PEG3: variants seen among roughly 807,000 people sequenced by gnomAD.
The protein encoded by PEG3 is paternally-expressed gene 3 protein.
PEG3 carries 23 observed loss-of-function variants against 35.5 expected under a neutral mutation model. That is an observed-to-expected ratio of 0.65 (90% CI 0.47 to 0.92). The LOEUF (loss-of-function observed/expected upper bound fraction) is 0.92, where lower values mean the gene tolerates loss of function less well. Ranked by LOEUF, PEG3 falls within the 40% of genes least tolerant of loss-of-function variation. PEG3 has a pLI of 0.00. For missense variants in PEG3, 1,960 were observed against 1,985.3 expected, an observed-to-expected ratio of 0.99 and a Z score of 0.24; for synonymous variants, 707 against 697.0, an observed-to-expected ratio of 1.01 and a Z score of -0.23.
Position 56,811,737 on chromosome 19 carries a change from T to C in PEG3, c.*1938A>G. Reference sequence around the variant, plus strand: ...AGCTTTCCCGATGTCCGTTCCAACCTCAGTCCTTCCTATGCAGCCAGCCCT... The same window carrying C: ...AGCTTTCCCGATGTCCGTTCCAACCCCAGTCCTTCCTATGCAGCCAGCCCT... On this transcript the variant is annotated 3_prime_UTR_variant, in exon 10 of 10. Coordinates refer to ENST00000326441, the MANE Select transcript of PEG3 (RefSeq NM_006210.3). 1 of 985,586 alleles carries C rather than the reference T, an allele frequency of 1.0e-6. No homozygotes were observed. Among genetic ancestry groups the C allele is most frequent in the East Asian group, 1.1e-4 (1 of 8,808 alleles). The allele number at this position is 985,586 out of a possible 1,614,324, so 61.1% of individuals were successfully genotyped here.
chr19:56,813,220 A>G lies in PEG3; in HGVS notation c.*455T>C, dbSNP rs187634674. On this transcript the variant is annotated 3_prime_UTR_variant, in exon 10 of 10. Coordinates refer to ENST00000326441, the MANE Select transcript of PEG3 (RefSeq NM_006210.3). ...CTCCTCCAAAAAAAAAAAAAATTCA[A>G]AGAATACCAGGTAAGGTACCTCTGC... 5 of 981,660 alleles carry G rather than the reference A, an allele frequency of 5.1e-6. No homozygotes were observed. The Admixed American group carries it at 2.4e-4, about 48-fold the overall frequency. The allele number at this position is 981,660 out of a possible 1,614,324, so 60.8% of individuals were successfully genotyped here.
rs1416680647 is a variant in PEG3 at position 56,824,514 on chromosome 19, T to C, written c.142A>G (p.Arg48Gly). ...GPTDSEFFHQRFRNLIYVEFV... is the reference protein window; with the variant it reads ...GPTDSEFFHQGFRNLIYVEFV... ...TCCACATAGATTAGGTTCCGAAACC[T>C]CTGATGAAAAAACTCAGAGTCAGTT... The change falls in exon 4 of 10, where the codon AGG becomes GGG. Residue 48 changes from arginine to glycine, a missense_variant. Arg to Gly is a moderately radical substitution (Grantham distance 125, BLOSUM62 -2). Around this residue, in one of 5 missense-constraint regions of PEG3, gnomAD observed 613 missense variants for 577.1 expected, o/e 1.06. Transcript: ENST00000326441. The C allele has an allele frequency of 6.2e-7, 1 of 1,614,108 alleles. No homozygotes were observed. Among genetic ancestry groups the C allele is most frequent in the Non-Finnish European group, 8.5e-7 (1 of 1,180,036 alleles).
rs865823612 is a variant in PEG3 at position 56,815,206 on chromosome 19, T to C, written c.3236A>G (p.His1079Arg). The part of the protein sequence containing the change: ...DGEETHSEET[H>R]GQETIEDPVI... ...AGGGTCTTCAATTGTCTCCTGACCA[T>C]GGGTCTCCTCGCTGTGGGTCTCCTC... is the stretch of plus-strand genomic sequence containing the variant. The change falls in exon 10 of 10, where the codon CAT becomes CGT. Residue 1079 changes from histidine (H) to arginine (R), a missense_variant. Transcript: ENST00000326441. The C allele has an allele frequency of 3.7e-6, 6 of 1,613,962 alleles. No individual in the cohort carries two copies. Among genetic ancestry groups the C allele is most frequent in the Middle Eastern group, 1.6e-4 (1 of 6,062 alleles).
chr19:56,834,082 C>T (rs1052331952), intron 2 of PEG3, among the ~76,000 whole-genome samples: 1 of 152,174 alleles, frequency 6.6e-6, no homozygotes, highest in African/African-American at 2.4e-5. Flanking sequence ...AATAAAGCTA[C>T]TTTAAAGAGA....
chr19:56,824,500 T>A lies in PEG3; in HGVS notation c.156A>T (p.Leu52=). The A allele has an allele frequency of 6.2e-7, 1 of 1,614,068 alleles. No homozygotes were observed. Residue 52 remains leucine, a synonymous_variant, in exon 4 of 10, where the codon CTA becomes CTT. Transcript: ENST00000326441. ...SEFFHQRFRN[L]IYVEFVGPRK... ...GAGGCCCAACAAATTCCACATAGAT[T>A]AGGTTCCGAAACCTCTGATGAAAAA...
Position 56,829,089 on chromosome 19 carries a change from G to A in PEG3, c.-162-2626C>T, listed in dbSNP as rs191950545. Among the ~76,000 whole-genome samples the A allele has an allele frequency of 2.4e-3, 363 of 152,160 alleles. 3 individuals are homozygous for A. Among genetic ancestry groups the A allele is most frequent in the African/African-American group, 7.6e-3 (317 of 41,518 alleles). On this transcript the variant is annotated intron_variant, in intron 2 of 9. Transcript: ENST00000326441. ...GCTGCAGCTGGGCGCAGTGGCTCAC[G>A]CCTGTAATCCCAGCACTTTGGGAGG...
In PEG3 at chr19:56,814,939, C is replaced by A; in HGVS notation, c.3503G>T (p.Cys1168Phe). The A allele has an allele frequency of 6.2e-7, 1 of 1,614,206 alleles. No homozygotes were observed. Among genetic ancestry groups the A allele is most frequent in the Non-Finnish European group, 8.5e-7 (1 of 1,180,038 alleles). Reference sequence around the variant, plus strand: ...TGAGCTATGAATAAAAGATTCCCCACACTTTGGACATTCATACAGCTGCTC... The same window carrying A: ...TGAGCTATGAATAAAAGATTCCCCAAACTTTGGACATTCATACAGCTGCTC... ...TGEQLYECPK[C>F]GESFIHSSFL... The change falls in exon 10 of 10, where the codon TGT (cysteine) becomes TTT (phenylalanine). Residue 1168 changes from cysteine to phenylalanine, a missense_variant. Cys to Phe is a radical substitution (Grantham distance 205). Coordinates refer to ENST00000326441, the MANE Select transcript of PEG3 (RefSeq NM_006210.3). The surrounding 1 kb of genome is among the most constrained non-coding windows in gnomAD (Gnocchi z 5.8).
chr19:56,817,593 C>A lies in PEG3; in HGVS notation c.863-14G>T. 6.4e-7 allele frequency: 1 copy of A among 1,574,624 alleles called. No individual in the cohort carries two copies. Among genetic ancestry groups the A allele is most frequent in the South Asian group, 1.2e-5 (1 of 84,296 alleles). On this transcript the variant is annotated splice_polypyrimidine_tract_variant and intron_variant, in intron 9 of 9. Coordinates refer to ENST00000326441, the MANE Select transcript of PEG3 (RefSeq NM_006210.3). ...TAGTTTTTAGACCTGGAAAGAAACC[C>A]CAAATGTAAATACTCCCTAGTCCCC...
At chr19:56,828,133 G>A (rs900289815) in intron 2 of PEG3, among the ~76,000 whole-genome samples, 4 of 152,152 alleles carry the variant, frequency 2.6e-5, no homozygotes, top group Non-Finnish European at 5.9e-5. Context: ...GGTGCAGGCA[G>A]CCGTAACATC....
At chr19:56,825,442 G>A (rs149280968) in intron 3 of PEG3, among the ~76,000 whole-genome samples, 13 of 152,244 alleles carry the variant, frequency 8.5e-5, no homozygotes, top group Non-Finnish European at 1.2e-4. Flanking sequence ...TTTCTGTTTT[G>A]ACATTCCTTT....
chr19:56,836,969 C>CA (rs573566620), intron 1 of PEG3, among the ~76,000 whole-genome samples: 3,502 of 116,170 alleles, frequency 0.03, 155 homozygotes, highest in East Asian at 0.086. Context: ...GACTCTGTCT[C>CA]AAAAAAAAAA....
Position 56,810,382 on chromosome 19 carries a change from C to A in PEG3, c.*3293G>T, listed in dbSNP as rs771542353. 1.0e-6 allele frequency: 1 copy of A among 985,286 alleles called. No individual in the cohort carries two copies. The highest frequency in any genetic ancestry group is 4.7e-5 in the South Asian group (1 of 21,292). The allele number at this position is 985,286 out of a possible 1,614,324, so 61.0% of individuals were successfully genotyped here. A position where few individuals can be genotyped will look rare whatever the true frequency, so the allele number is the denominator to read the frequency against. ...AAACAAAATAACCATAATCCCACAACAACCACACAACTATTTCTTGTTTTT... is the reference window on the plus strand; with the variant it reads ...AAACAAAATAACCATAATCCCACAAAAACCACACAACTATTTCTTGTTTTT... On this transcript the variant is annotated 3_prime_UTR_variant, in exon 10 of 10. Coordinates refer to ENST00000326441, the MANE Select transcript of PEG3 (RefSeq NM_006210.3).
chr19:56,827,111 C>T (rs1340554752), intron 2 of PEG3, among the ~76,000 whole-genome samples: 1 of 152,162 alleles, frequency 6.6e-6, no homozygotes, highest in Non-Finnish European at 1.5e-5. Flanking sequence ...CCCAAGTAAA[C>T]TTTCTGTGAA....
At position 56,816,679 on chromosome 19, in the gene PEG3, T is replaced by A. The variant is rs757716518; in HGVS notation, c.1763A>T (p.Asp588Val). ...ATGTTCACGCTCATTATCTTTGTCATCCCCAAAGTGGATTTTCTGGTGCTC... is the reference window on the plus strand; with the variant it reads ...ATGTTCACGCTCATTATCTTTGTCAACCCCAAAGTGGATTTTCTGGTGCTC... ...LIEHQKIHFGDDKDNEREHER... is the reference protein window; with the variant it reads ...LIEHQKIHFGVDKDNEREHER... The change falls in exon 10 of 10, where the codon GAT (aspartate) becomes GTT (valine). Residue 588 changes from aspartate (D) to valine (V), a missense_variant. Around this residue, in one of 5 missense-constraint regions of PEG3, gnomAD observed 798 missense variants for 782.4 expected, o/e 1.02. Coordinates refer to ENST00000326441, the MANE Select transcript of PEG3 (RefSeq NM_006210.3). 5.0e-6 allele frequency: 8 copies of A among 1,613,966 alleles called. No individual in the cohort carries two copies. The highest frequency in any genetic ancestry group is 6.8e-6 in the Non-Finnish European group (8 of 1,179,996).
rs542936343 is a variant in PEG3 at position 56,820,876 on chromosome 19, G to A, written c.669+775C>T. 3.3e-5 allele frequency among the ~76,000 whole-genome samples: 5 copies of A among 152,298 alleles called. No homozygotes were observed. In the South Asian group the frequency reaches 6.2e-4, roughly 19 times the overall value. ...TCTGACATGGGATGGGTACTGATAT[G>A]TGAAGGAAAGGAAGGCTCAGCCCAA... On this transcript the variant is annotated intron_variant, in intron 7 of 9. Transcript: ENST00000326441.
chr19:56,825,712 G>A (rs1276490226), intron 3 of PEG3, among the ~76,000 whole-genome samples: 3 of 152,078 alleles, frequency 2.0e-5, no homozygotes, highest in African/African-American at 2.4e-5. Flanking sequence ...AGGTCTGGGA[G>A]CATAAACTAC....
At chr19:56,835,994 C>G (rs1273111026) in intron 2 of PEG3, 24 bp downstream of exon 2, 2 of 508,548 alleles carry the variant, frequency 3.9e-6, no homozygotes, top group African/African-American at 3.9e-5. Context: ...GAATGTGGCA[C>G]TGTGAGGAGG....
rs1309405878 is a variant in PEG3, at chr19:56,814,047, A to G, written c.4395T>C (p.Ala1465=). The change falls in exon 10 of 10, where the codon GCT becomes GCC. Residue 1465 remains alanine (A), a synonymous_variant. Transcript: ENST00000326441. This position sits in a 1 kb window ranked among gnomAD's most constrained non-coding sequence, Gnocchi z 5.8. ...GAGIEDPEER[A]EEPEGKAEEP... ...CTTCAGCTTTTCCCTCTGGCTCTTC[A>G]GCTCTTTCTTCTGGGTCTTCAATAC... The G allele has an allele frequency of 1.9e-6, 3 of 1,613,812 alleles. No individual in the cohort carries two copies. The highest frequency in any genetic ancestry group is 2.7e-5 in the African/African-American group (2 of 74,818).
At position 56,811,861 on chromosome 19, in the gene PEG3, G is replaced by T; in HGVS notation, c.*1814C>A. On this transcript the variant is annotated 3_prime_UTR_variant, in exon 10 of 10. Transcript: ENST00000326441. ...CTGGCCTTCTACAGTTCTTGCCTCT[G>T]GTGTTTTCTTCTGTCTGTCTCCTCT... is the stretch of plus-strand genomic sequence containing the variant. 3 of 985,402 alleles carry T rather than the reference G, an allele frequency of 3.0e-6. No individual in the cohort carries two copies. Among genetic ancestry groups the T allele is most frequent in the Non-Finnish European group, 3.6e-6 (3 of 829,966 alleles). The allele number at this position is 985,402 out of a possible 1,614,324, so 61.0% of individuals were successfully genotyped here.
Sources: gnomAD v4.1 joint callset for allele counts (sites outside exome capture counted in the v4.1 genomes callset) on GRCh38, gnomAD v4.1.1 for gene constraint, gnomAD v4.1.1 regional missense constraint, Gnocchi (gnomAD v3.1) non-coding constraint, MANE v1.5 for transcripts, NCBI Gene and HGNC (gene_info 2026-07-23, HGNC 2026-07-21) for gene names.